Variants in RPS6KC1 observed in about 807,000 individuals in gnomAD.
The protein encoded by RPS6KC1 is ribosomal protein S6 kinase C1.
Under a neutral mutation model 103.8 loss-of-function variants are expected in RPS6KC1, and 54 were observed. The observed-to-expected ratio is 0.52, with a 90% CI of 0.42 to 0.65. RPS6KC1 has a LOEUF of 0.65. Among genes scored for constraint, RPS6KC1 ranks in the 30% least tolerant of loss-of-function variants. RPS6KC1 has a pLI of 0.00. For missense variants in RPS6KC1, 1,151 were observed against 1,253.8 expected, an observed-to-expected ratio of 0.92 and a Z score of 1.24; for synonymous variants, 439 against 438.7, an observed-to-expected ratio of 1.00 and a Z score of -0.01.
At chr1:213,211,336 G>C (rs1398739789) in intron 8 of RPS6KC1, among the ~76,000 whole-genome samples, 1 of 152,220 alleles carries the variant, frequency 6.6e-6, no homozygotes, top group Non-Finnish European at 1.5e-5. Context: ...GCCTTGGGCA[G>C]ATTCTTCACA....
chr1:213,474,124 G>C, the RPS6KC1 span, among the ~76,000 whole-genome samples: 1 of 152,196 alleles, frequency 6.6e-6, no homozygotes, highest in African/African-American at 2.4e-5. Flanking sequence ...CTTCCCAGCA[G>C]TCTGTCCTTG....
the RPS6KC1 span, among the ~76,000 whole-genome samples, chr1:213,628,359 T>G: frequency 1.3e-5 from 2 of 152,194 alleles, no homozygotes; most frequent in Non-Finnish European, 2.9e-5. Context: ...TTGTTGATCT[T>G]TTCAAAAAAC....
At position 213,074,489 on chromosome 1, in the gene RPS6KC1, C is replaced by T. The variant is rs2079135055; in HGVS notation, c.142-3207C>T. Among the ~76,000 whole-genome samples, 3 of 152,224 alleles carry T rather than the reference C, an allele frequency of 2.0e-5. No individual in the cohort carries two copies. In the South Asian group the frequency reaches 6.2e-4, roughly 32 times the overall value. On this transcript the variant is annotated intron_variant, in intron 2 of 14. Transcript: ENST00000366960. Reference sequence around the variant, plus strand: ...TGTAGTCCAGATATGAACATCAGTACTTGCTGTTGTAGTGGAAGTATATCT... The same window carrying T: ...TGTAGTCCAGATATGAACATCAGTATTTGCTGTTGTAGTGGAAGTATATCT...
At chr1:213,658,714 A>T in the RPS6KC1 span, among the ~76,000 whole-genome samples, 1 of 152,232 alleles carries the variant, frequency 6.6e-6, no homozygotes, top group African/African-American at 2.4e-5. Context: ...GGGACTGTGA[A>T]CAAGTCCAAG....
chr1:213,112,176 C>G (rs1001056748), intron 4 of RPS6KC1, among the ~76,000 whole-genome samples: 13 of 151,920 alleles, frequency 8.6e-5, no homozygotes, highest in African/African-American at 3.1e-4. Flanking sequence ...CTTTATTATT[C>G]TGTTAGTAGT....
chr1:213,085,068 G>A (rs929789091), intron 3 of RPS6KC1, among the ~76,000 whole-genome samples: 2 of 152,202 alleles, frequency 1.3e-5, no homozygotes, highest in Non-Finnish European at 2.9e-5. Context: ...CAGTTATGAA[G>A]GCCAAAGTCT....
chr1:213,850,801 T>TC, the RPS6KC1 span, among the ~76,000 whole-genome samples: 1 of 151,898 alleles, frequency 6.6e-6, no homozygotes, highest in African/African-American at 2.4e-5. Context: ...CTTGGCTTTT[T>TC]TTTTTTTTAA....
chr1:213,306,487 G>A, the RPS6KC1 span, among the ~76,000 whole-genome samples: 1 of 152,228 alleles, frequency 6.6e-6, no homozygotes, highest in Non-Finnish European at 1.5e-5. Context: ...TTACAAATAT[G>A]TGAAGCTGTA....
chr1:213,188,291 T>C (rs2092614773), intron 8 of RPS6KC1, among the ~76,000 whole-genome samples: 1 of 151,956 alleles, frequency 6.6e-6, no homozygotes, highest in Non-Finnish European at 1.5e-5. Context: ...TTTACAGTTA[T>C]AGAAATGTAG....
the RPS6KC1 span, among the ~76,000 whole-genome samples, chr1:213,800,382 C>A: frequency 4.6e-5 from 7 of 152,072 alleles, no homozygotes; most frequent in Non-Finnish European, 1.0e-4. Flanking sequence ...CTTAATTATT[C>A]TGTGATTTAA....
the RPS6KC1 span, among the ~76,000 whole-genome samples, chr1:213,494,364 G>C: frequency 6.6e-6 from 1 of 151,904 alleles, no homozygotes; most frequent in Non-Finnish European, 1.5e-5. Context: ...ATTCTTTGAT[G>C]TTTTCAAAAA....
At chr1:213,724,866 C>A in the RPS6KC1 span, among the ~76,000 whole-genome samples, 2 of 152,224 alleles carry the variant, frequency 1.3e-5, no homozygotes, top group Non-Finnish European at 2.9e-5. Flanking sequence ...ATCCTCCCAA[C>A]AGTCCAAAGA....
intron 6 of RPS6KC1, among the ~76,000 whole-genome samples, chr1:213,151,840 C>G (rs1258923588): frequency 7.6e-6 from 1 of 130,892 alleles, no homozygotes; most frequent in Non-Finnish European, 1.7e-5. Flanking sequence ...CTGACCCCCC[C>G]ACCTCCCTCC....
chr1:213,842,262 C>CA, the RPS6KC1 span: 1 of 152,234 alleles, frequency 6.6e-6, no homozygotes, highest in Non-Finnish European at 1.5e-5. Context: ...AATTAGTGCA[C>CA]AATACAGTGC....
the RPS6KC1 span, among the ~76,000 whole-genome samples, chr1:213,757,299 C>G: frequency 6.6e-6 from 1 of 151,954 alleles, no homozygotes; most frequent in Admixed American, 6.6e-5. Context: ...GTTGTGAATA[C>G]AAAAGAAAAT....
chr1:213,596,014 T>G, the RPS6KC1 span, among the ~76,000 whole-genome samples: 1 of 151,990 alleles, frequency 6.6e-6, no homozygotes, highest in Non-Finnish European at 1.5e-5. Context: ...AAAGTAGAAG[T>G]GAAGAGAGAA....
the RPS6KC1 span, among the ~76,000 whole-genome samples, chr1:213,465,325 T>C: frequency 6.6e-6 from 1 of 152,352 alleles, no homozygotes; most frequent in South Asian, 2.1e-4. Flanking sequence ...CTGTTTCTAA[T>C]GTAATTTACA....
At chr1:213,099,573 C>T (rs1274041176) in intron 3 of RPS6KC1, among the ~76,000 whole-genome samples, 2 of 152,140 alleles carry the variant, frequency 1.3e-5, no homozygotes, top group East Asian at 3.8e-4. Flanking sequence ...GTATGTGTGA[C>T]AAACATATAC....
At chr1:213,534,609 C>G in the RPS6KC1 span, among the ~76,000 whole-genome samples, 1 of 152,232 alleles carries the variant, frequency 6.6e-6, no homozygotes, top group Non-Finnish European at 1.5e-5. Flanking sequence ...CTCCTGATTT[C>G]TAGCCCAGAG....
Sources: gnomAD v4.1 joint callset for allele counts (sites outside exome capture counted in the v4.1 genomes callset) on GRCh38, gnomAD v4.1.1 for gene constraint, MANE v1.5 for transcripts, NCBI Gene and HGNC (gene_info 2026-07-23, HGNC 2026-07-21) for gene names.